TMEM237: variants seen among roughly 807,000 people sequenced by gnomAD.
TMEM237 encodes the protein amyotrophic lateral sclerosis 2 (juvenile) chromosome region, candidate 4.
A neutral mutation model predicts 59.1 loss-of-function variants in TMEM237; 51 were observed. The observed-to-expected ratio is 0.86, with a 90% CI of 0.69 to 1.09. TMEM237 has a LOEUF of 1.09. Ranked by LOEUF, TMEM237 falls within the 50% of genes least tolerant of loss-of-function variation. TMEM237 has a pLI of 0.00. For synonymous variants in TMEM237, 140 were observed against 166.1 expected, an observed-to-expected ratio of 0.84 and a Z score of 1.21; for missense variants, 475 against 478.3, an observed-to-expected ratio of 0.99 and a Z score of 0.06.
Position 201,637,957 on chromosome 2 carries a change from T to C in TMEM237, c.136+1032A>G, listed in dbSNP as rs371442886. ...AGGTAGCAAGATAATAACTAAAGCT[T>C]CCTTAAGGTAATTTAGCAGAGTCAG... On this transcript the variant is annotated intron_variant, in intron 4 of 12. Coordinates refer to ENST00000409883, the MANE Select transcript of TMEM237 (RefSeq NM_001044385.3). Among the ~76,000 whole-genome samples, 5 of 152,240 alleles carry C rather than the reference T, an allele frequency of 3.3e-5. No individual in the cohort carries two copies. In the East Asian group the frequency reaches 9.7e-4, roughly 29 times the overall value.
At chr2:201,625,077 T>C (rs938115843) in intron 12 of TMEM237, among the ~76,000 whole-genome samples, 1 of 152,122 alleles carries the variant, frequency 6.6e-6, no homozygotes, top group Admixed American at 6.6e-5. Flanking sequence ...CCATAAAAGA[T>C]GTTTGGCCAG....
At chr2:201,629,919 A>T (rs933108968) in intron 7 of TMEM237, 67 bp from the exon 8 acceptor site, 62 of 1,540,774 alleles carry the variant, frequency 4.0e-5, no homozygotes, top group Middle Eastern at 1.7e-4. Flanking sequence ...TTTTTTTTTT[A>T]AATTCCATAC....
chr2:201,640,819 C>T, intron 2 of TMEM237, 74 bp downstream of exon 2: 2 of 1,234,168 alleles, frequency 1.6e-6, no homozygotes, highest in East Asian at 2.5e-5. Flanking sequence ...TGCAATGATA[C>T]TAGTCAATTT....
At chr2:201,631,861 C>T (rs986209235) in intron 7 of TMEM237, among the ~76,000 whole-genome samples, 190 bp downstream of exon 7, 2 of 152,102 alleles carry the variant, frequency 1.3e-5, no homozygotes, top group African/African-American at 4.8e-5. Context: ...TGACATTATT[C>T]CTCTCCTATT....
In TMEM237 at chr2:201,643,412, C is replaced by T. The variant is rs113186360; in HGVS notation, c.-12G>A. The T allele has an allele frequency of 0.014, 21,139 of 1,511,066 alleles. 202 individuals are homozygous for T. Among genetic ancestry groups the T allele is most frequent in the East Asian group, 0.045 (1,602 of 35,844 alleles). 93.6% of individuals were successfully genotyped at this position (1,511,066 alleles called of 1,614,324 possible). On this transcript the variant is annotated 5_prime_UTR_variant, in exon 1 of 13. Transcript: ENST00000409883. This position sits in a 1 kb window ranked among gnomAD's most constrained non-coding sequence, Gnocchi z 4.3. ...GAGTCAGTCCTCATGGTGCTCTCCC[C>T]GCGGGGCTGCCCCGGCGCAACCGCC...
intron 12 of TMEM237, among the ~76,000 whole-genome samples, chr2:201,625,195 T>C (rs1434587074): frequency 6.6e-6 from 1 of 152,004 alleles, no homozygotes; most frequent in Non-Finnish European, 1.5e-5. Flanking sequence ...ACCCTGTCTC[T>C]ATTAAAAATA....
At chr2:201,629,612 T>A in intron 8 of TMEM237, 117 bp downstream of exon 8, 1 of 1,415,824 alleles carries the variant, frequency 7.1e-7, no homozygotes. Context: ...TATACCTACC[T>A]ACCATTTTAA....
chr2:201,624,258 T>G lies in TMEM237; in HGVS notation c.1224A>C (p.Ser408=), dbSNP rs755162306. 6.2e-7 allele frequency: 1 copy of G among 1,611,694 alleles called. No homozygotes were observed. The highest frequency in any genetic ancestry group is 1.1e-5 in the South Asian group (1 of 90,806). Residue 408 remains serine (S), a synonymous_variant, in exon 13 of 13, where the codon TCA becomes TCC. Transcript: ENST00000409883. ...PDKEKEIKAS[S] is the part of the protein sequence containing the mutation. ...TTCCTCCAAAGGTGAGCTGGTATTA[T>G]GAAGAGGCTTTGATTTCTTTCTCTT... is the stretch of plus-strand genomic sequence containing the variant.
At chr2:201,642,929 G>T in intron 1 of TMEM237, 2 of 1,328,762 alleles carry the variant, frequency 1.5e-6, no homozygotes, top group Non-Finnish European at 1.9e-6. Flanking sequence ...TGGTGGCGGT[G>T]ATTTGTTTGC....
intron 5 of TMEM237, 143 bp from the exon 6 acceptor site, chr2:201,633,574 T>A (rs185059808): frequency 1.1e-4 from 67 of 596,410 alleles, no homozygotes; most frequent in African/African-American, 1.0e-3. Flanking sequence ...TTTAATTTTT[T>A]AAAAATGTTA....
At chr2:201,625,083 G>C (rs989454541) in intron 12 of TMEM237, among the ~76,000 whole-genome samples, 2 of 152,154 alleles carry the variant, frequency 1.3e-5, no homozygotes, top group African/African-American at 4.8e-5. Context: ...AAGATGTTTG[G>C]CCAGGCGCGG....
chr2:201,634,788 T>A (rs1687262746), intron 5 of TMEM237: 1 of 348,422 alleles, frequency 2.9e-6, no homozygotes, highest in East Asian at 1.0e-4. Flanking sequence ...CACTGTGGCA[T>A]CCCACTTCAA....
In TMEM237 at chr2:201,620,864, C is replaced by T. The variant is rs976956717; in HGVS notation, c.*3391G>A. On this transcript the variant is annotated 3_prime_UTR_variant, in exon 13 of 13. Coordinates refer to ENST00000409883, the MANE Select transcript of TMEM237 (RefSeq NM_001044385.3). ...ACTTGATTTTGACAACTTTCACATC[C>T]TATTAGTGGGCTCACACTGTTAGTT... is the stretch of plus-strand genomic sequence containing the variant. 2 of 152,186 alleles carry T rather than the reference C, an allele frequency of 1.3e-5. No individual in the cohort carries two copies. Among genetic ancestry groups the T allele is most frequent in the African/African-American group, 4.8e-5 (2 of 41,452 alleles). The allele number at this position is 152,186 out of a possible 1,614,324, so 9.4% of individuals were successfully genotyped here.
chr2:201,642,616 T>A, intron 1 of TMEM237: 2 of 1,609,046 alleles, frequency 1.2e-6, no homozygotes, highest in Non-Finnish European at 1.7e-6. Flanking sequence ...TACCACAGGA[T>A]TCTTCCCCAT....
intron 5 of TMEM237, chr2:201,634,257 T>C (rs542621372): frequency 2.6e-5 from 4 of 152,292 alleles, no homozygotes; most frequent in African/African-American, 9.6e-5. Flanking sequence ...GAAGCCTTCT[T>C]CTAATCCACT....
Position 201,641,018 on chromosome 2 carries a change from G to A in TMEM237, c.43-94C>T. On this transcript the variant is annotated intron_variant, in intron 1 of 12. Coordinates refer to ENST00000409883, the MANE Select transcript of TMEM237 (RefSeq NM_001044385.3). ...GCTATTTTTTTTTTTTTGAGATGGT[G>A]TATTGCTGTGTGGCCCAGGCTGGAG... 3.8e-6 allele frequency: 4 copies of A among 1,062,058 alleles called. No homozygotes were observed. The East Asian group carries it at 8.1e-5, about 21-fold the overall frequency. 65.8% of individuals were successfully genotyped at this position (1,062,058 alleles called of 1,614,324 possible). A position where few individuals can be genotyped will look rare whatever the true frequency, so the allele number is the denominator to read the frequency against.
chr2:201,643,451 C>T lies in TMEM237; in HGVS notation c.-51G>A. 1 of 1,424,138 alleles carries T rather than the reference C, an allele frequency of 7.0e-7. No homozygotes were observed. Among genetic ancestry groups the T allele is most frequent in the Non-Finnish European group, 9.2e-7 (1 of 1,084,702 alleles). The allele number at this position is 1,424,138 out of a possible 1,614,324, so 88.2% of individuals were successfully genotyped here. ...GGCGCAACCGCCGGCGGCCCGAGCC[C>T]AGCTCCCCGCGACGCAGCGGCCTCC... On this transcript the variant is annotated 5_prime_UTR_variant, in exon 1 of 13. Coordinates refer to ENST00000409883, the MANE Select transcript of TMEM237 (RefSeq NM_001044385.3). The surrounding 1 kb of genome is among the most constrained non-coding windows in gnomAD (Gnocchi z 4.3).
chr2:201,628,019 CA>C, intron 10 of TMEM237, 56 bp downstream of exon 10: 1 of 1,285,182 alleles, frequency 7.8e-7, no homozygotes, highest in Non-Finnish European at 1.1e-6. Context: ...TATCCTGGTT[CA>C]AAATTATGGT....
intron 4 of TMEM237, among the ~76,000 whole-genome samples, chr2:201,638,122 A>G (rs576548964): frequency 6.6e-6 from 1 of 152,350 alleles, no homozygotes; most frequent in South Asian, 2.1e-4. Flanking sequence ...AATAACCTAA[A>G]TAAATAACAG....
Sources: gnomAD v4.1 joint callset for allele counts (sites outside exome capture counted in the v4.1 genomes callset) on GRCh38, gnomAD v4.1.1 for gene constraint, Gnocchi (gnomAD v3.1) non-coding constraint, MANE v1.5 for transcripts, NCBI Gene and HGNC (gene_info 2026-07-23, HGNC 2026-07-21) for gene names.